Variants in APBA1 observed in about 807,000 individuals in gnomAD.
APBA1 encodes the protein amyloid-beta A4 precursor protein-binding family A member 1.
Under a neutral mutation model 86.6 loss-of-function variants are expected in APBA1, and 55 were observed. That is an observed-to-expected ratio of 0.64 (90% CI 0.51 to 0.80). APBA1 has a LOEUF of 0.80. APBA1 is among the 30% of genes least tolerant of loss of function. The pLI is 0.00. For missense variants in APBA1, 1,090 were observed against 1,183.0 expected, an observed-to-expected ratio of 0.92 and a Z score of 1.15; for synonymous variants, 511 against 493.9, an observed-to-expected ratio of 1.03 and a Z score of -0.46.
chr9:69,579,113 G>A (rs1022094936), intron 1 of APBA1, among the ~76,000 whole-genome samples: 4 of 151,870 alleles, frequency 2.6e-5, no homozygotes, highest in African/African-American at 9.7e-5. Flanking sequence ...ACCTCACTGA[G>A]GCACCTCTGC....
At chr9:69,639,078 T>C (rs1402390784) in intron 1 of APBA1, among the ~76,000 whole-genome samples, 1 of 152,162 alleles carries the variant, frequency 6.6e-6, no homozygotes, top group Non-Finnish European at 1.5e-5. Flanking sequence ...CCCATCATGT[T>C]CACTAAATTA....
intron 1 of APBA1, among the ~76,000 whole-genome samples, chr9:69,637,183 T>C (rs1823196590): frequency 6.6e-6 from 1 of 151,822 alleles, no homozygotes; most frequent in Non-Finnish European, 1.5e-5. Context: ...ATGGAATTCA[T>C]AGAGATAGAG....
At chr9:69,590,498 A>G (rs1027905178) in intron 1 of APBA1, among the ~76,000 whole-genome samples, 3 of 152,158 alleles carry the variant, frequency 2.0e-5, no homozygotes, top group Non-Finnish European at 4.4e-5. Context: ...GCCTCACAGC[A>G]CTGGCACTGA....
intron 1 of APBA1, among the ~76,000 whole-genome samples, chr9:69,554,531 T>C (rs2133931855): frequency 6.6e-6 from 1 of 152,292 alleles, no homozygotes; most frequent in South Asian, 2.1e-4. Flanking sequence ...AATATCTCCA[T>C]TCCAAAATGA....
At chr9:69,573,467 T>C (rs1480616266) in intron 1 of APBA1, among the ~76,000 whole-genome samples, 2 of 152,114 alleles carry the variant, frequency 1.3e-5, no homozygotes, top group Admixed American at 6.5e-5. Flanking sequence ...GTCTCAAAAA[T>C]AGTAAAATAA....
chr9:69,620,256 C>G (rs1356470839), intron 1 of APBA1, among the ~76,000 whole-genome samples: 1 of 152,170 alleles, frequency 6.6e-6, no homozygotes, highest in African/African-American at 2.4e-5. Flanking sequence ...CGCATTTTCC[C>G]CCTGCAAATT....
chr9:69,650,417 C>G (rs1470382408), intron 1 of APBA1, among the ~76,000 whole-genome samples: 1 of 152,312 alleles, frequency 6.6e-6, no homozygotes, highest in South Asian at 2.1e-4. Flanking sequence ...TAGAATGGAA[C>G]TCAATGTTTA....
At chr9:69,664,761 A>G (rs1354795745) in intron 1 of APBA1, among the ~76,000 whole-genome samples, 2 of 152,220 alleles carry the variant, frequency 1.3e-5, no homozygotes, top group East Asian at 1.9e-4. Flanking sequence ...GGGCCACCCT[A>G]TAACAGAGCG....
At position 69,516,757 on chromosome 9, in the gene APBA1, A is replaced by G; in HGVS notation, c.454T>C (p.Phe152Leu). The G allele has an allele frequency of 6.2e-7, 1 of 1,612,044 alleles. No homozygotes were observed. The highest frequency in any genetic ancestry group is 8.5e-7 in the Non-Finnish European group (1 of 1,179,486). ...HRRALPNHLHFHSLEHEEAMN... is the reference protein window; with the variant it reads ...HRRALPNHLHLHSLEHEEAMN... ...GCTTCCTCGTGCTCCAGCGAGTGGA[A>G]GTGCAGGTGGTTGGGCAGCGCGCGG... Residue 152 changes from phenylalanine (F) to leucine (L), a missense_variant, in exon 2 of 13, where the codon TTC becomes CTC. This residue lies in a region of APBA1 where 678 missense variants were observed against 647.1 expected (regional missense o/e 1.05). Coordinates refer to ENST00000265381, the MANE Select transcript of APBA1 (RefSeq NM_001163.4). The surrounding 1 kb of genome is among the most constrained non-coding windows in gnomAD (Gnocchi z 7.3).
intron 11 of APBA1, among the ~76,000 whole-genome samples, chr9:69,440,571 AC>A (rs1389953259): frequency 6.6e-6 from 1 of 151,966 alleles, no homozygotes; most frequent in Non-Finnish European, 1.5e-5. Flanking sequence ...TGGGCGTAGG[AC>A]CCTCCGAGCC....
intron 1 of APBA1, among the ~76,000 whole-genome samples, chr9:69,613,092 A>C (rs1822621249): frequency 6.6e-6 from 1 of 152,154 alleles, no homozygotes; most frequent in Non-Finnish European, 1.5e-5. Flanking sequence ...TTTATGAAAA[A>C]AATTTGTGTG....
Position 69,601,832 on chromosome 9 carries a change from T to G in APBA1, c.-70+70321A>C, listed in dbSNP as rs111801979. 6.2e-3 allele frequency among the ~76,000 whole-genome samples: 942 copies of G among 152,308 alleles called. 10 individuals are homozygous for G. Among genetic ancestry groups the G allele is most frequent in the African/African-American group, 0.022 (898 of 41,580 alleles). ...ATTTCTGACTCAGAAACAAAACTAC[T>G]TTCCCGAAGAGAGTCTACTACATTT... On this transcript the variant is annotated intron_variant, in intron 1 of 12. Coordinates refer to ENST00000265381, the MANE Select transcript of APBA1 (RefSeq NM_001163.4).
At chr9:69,606,599 C>T (rs1381327761) in intron 1 of APBA1, among the ~76,000 whole-genome samples, 1 of 142,894 alleles carries the variant, frequency 7.0e-6, no homozygotes, top group Non-Finnish European at 1.5e-5. Context: ...TCACACCATT[C>T]TCCTGCCTCA....
At chr9:69,660,970 A>T (rs2134026115) in intron 1 of APBA1, among the ~76,000 whole-genome samples, 1 of 152,334 alleles carries the variant, frequency 6.6e-6, no homozygotes, top group South Asian at 2.1e-4. Flanking sequence ...GGACAAATCC[A>T]TCCCACTGCC....
intron 9 of APBA1, among the ~76,000 whole-genome samples, chr9:69,451,298 C>G (rs981205462): frequency 6.6e-6 from 1 of 152,256 alleles, no homozygotes; most frequent in Non-Finnish European, 1.5e-5. Flanking sequence ...CAACAAACCT[C>G]TGTGACAAGA....
Position 69,659,728 on chromosome 9 carries a change from T to C in APBA1, c.-70+12425A>G, listed in dbSNP as rs539506212. Among the ~76,000 whole-genome samples, 45 of 152,352 alleles carry C rather than the reference T, an allele frequency of 3.0e-4. 1 individual carries two copies. Among genetic ancestry groups the C allele is most frequent in the African/African-American group, 9.1e-4 (38 of 41,584 alleles). The stretch of plus-strand genomic sequence containing the variant: ...GTATAATGATATGCACTTTTAACAC[T>C]GGCTTAAAATTCTGTCTTTAGGACT... On this transcript the variant is annotated intron_variant, in intron 1 of 12. Transcript: ENST00000265381.
chr9:69,442,813 C>T (rs1358941600), intron 10 of APBA1, among the ~76,000 whole-genome samples: 1 of 152,192 alleles, frequency 6.6e-6, no homozygotes, highest in East Asian at 1.9e-4. Flanking sequence ...TCAGGACTTA[C>T]ATTTCACATT....
intron 1 of APBA1, among the ~76,000 whole-genome samples, chr9:69,650,605 T>C (rs184694219): frequency 6.6e-6 from 1 of 152,352 alleles, no homozygotes; most frequent in Non-Finnish European, 1.5e-5. Flanking sequence ...TCCTCAAATA[T>C]GCACGAATAA....
intron 2 of APBA1, among the ~76,000 whole-genome samples, chr9:69,499,359 C>T (rs1244607824): frequency 6.6e-6 from 1 of 152,048 alleles, no homozygotes; most frequent in Non-Finnish European, 1.5e-5. Flanking sequence ...CATATTAATC[C>T]TAAATTCTGT....
Sources: gnomAD v4.1 joint callset for allele counts (sites outside exome capture counted in the v4.1 genomes callset) on GRCh38, gnomAD v4.1.1 for gene constraint, gnomAD v4.1.1 regional missense constraint, Gnocchi (gnomAD v3.1) non-coding constraint, MANE v1.5 for transcripts, NCBI Gene and HGNC (gene_info 2026-07-23, HGNC 2026-07-21) for gene names.